TRHDE: variants seen among roughly 807,000 people sequenced by gnomAD.
The protein encoded by TRHDE is thyrotropin-releasing hormone-degrading ectoenzyme.
TRHDE carries 72 observed loss-of-function variants against 125.7 expected under a neutral mutation model. The observed-to-expected ratio is 0.57, with a 90% CI of 0.47 to 0.70. TRHDE has a LOEUF of 0.70. Ranked by LOEUF, TRHDE falls within the 30% of genes least tolerant of loss-of-function variation. The pLI is 0.00. For synonymous variants in TRHDE, 509 were observed against 509.1 expected (o/e 1.00, Z 0.00); for missense variants, 1,110 against 1,327.1 (o/e 0.84, Z 2.54).
At chr12:72,557,816 C>T (rs1383541060) in intron 7 of TRHDE, among the ~76,000 whole-genome samples, 3 of 152,012 alleles carry the variant, frequency 2.0e-5, no homozygotes, top group Non-Finnish European at 4.4e-5. Context: ...ATATGCCTGA[C>T]AAGTATATAC....
chr12:72,232,135 G>A (rs1878258323), intron 2 of TRHDE, among the ~76,000 whole-genome samples: 1 of 152,150 alleles, frequency 6.6e-6, no homozygotes, highest in African/African-American at 2.4e-5. Flanking sequence ...AAGAGGAGGG[G>A]TACACCAGGC....
At chr12:72,265,567 A>AT (rs1879048298) in intron 2 of TRHDE, among the ~76,000 whole-genome samples, 1 of 151,518 alleles carries the variant, frequency 6.6e-6, no homozygotes, top group East Asian at 1.9e-4. Context: ...AAAAAGAGCT[A>AT]TTTTTCAGTT....
At chr12:72,359,154 T>C (rs1449564115) in intron 2 of TRHDE, among the ~76,000 whole-genome samples, 1 of 147,088 alleles carries the variant, frequency 6.8e-6, no homozygotes, top group Non-Finnish European at 1.5e-5. Context: ...GTTATTACTA[T>C]AATTCATTAC....
intron 18 of TRHDE, 115 bp downstream of exon 18, chr12:72,657,123 GCACACCACACACACACA>G: frequency 1.5e-6 from 1 of 668,716 alleles, no homozygotes; most frequent in South Asian, 1.8e-5. Flanking sequence ...ACTTACACAC[GCACACCACACACACACA>G]CACACGTTAA....
chr12:72,296,046 A>G (rs1307839669), intron 2 of TRHDE, among the ~76,000 whole-genome samples: 1 of 152,118 alleles, frequency 6.6e-6, no homozygotes, highest in Admixed American at 6.5e-5. Flanking sequence ...CTGTTCATAG[A>G]GCTTTCTTGC....
upstream of TRHDE, among the ~76,000 whole-genome samples, chr12:72,267,623 G>A (rs1879097590): frequency 4.0e-5 from 6 of 151,802 alleles, no homozygotes; most frequent in Admixed American, 3.9e-4. Context: ...TCCAGCCTGG[G>A]CGACAGAGTG....
At chr12:72,243,723 A>G (rs966815512) in intron 2 of TRHDE, among the ~76,000 whole-genome samples, 2 of 152,198 alleles carry the variant, frequency 1.3e-5, no homozygotes, top group Non-Finnish European at 2.9e-5. Flanking sequence ...TTATATTTGC[A>G]TCATCAGACT....
intron 6 of TRHDE, among the ~76,000 whole-genome samples, chr12:72,540,798 A>G (rs1198707862): frequency 6.6e-6 from 1 of 151,678 alleles, no homozygotes; most frequent in Non-Finnish European, 1.5e-5. Flanking sequence ...ATAAAGAGGA[A>G]GAAGCTAAAG....
chr12:72,273,518 G>T lies in TRHDE; in HGVS notation c.875G>T (p.Gly292Val). 1 of 1,606,850 alleles carries T rather than the reference G, an allele frequency of 6.2e-7. No individual in the cohort carries two copies. The highest frequency in any genetic ancestry group is 8.5e-7 in the Non-Finnish European group (1 of 1,179,898). Reference sequence around the variant, plus strand: ...GCGCTCATCGAGAATGAGCTCCTGGGCTTCTTCCGCAGCTCCTATGTGCTC... The same window carrying T: ...GCGCTCATCGAGAATGAGCTCCTGGTCTTCTTCCGCAGCTCCTATGTGCTC... ...YNALIENELL[G>V]FFRSSYVLHG... Residue 292 changes from glycine to valine, a missense_variant, in exon 1 of 19, where the codon GGC (glycine) becomes GTC (valine). Around this residue, in one of 5 missense-constraint regions of TRHDE, gnomAD observed 252 missense variants for 274.8 expected, o/e 0.92. Transcript: ENST00000261180. This position sits in a 1 kb window ranked among gnomAD's most constrained non-coding sequence, Gnocchi z 5.3.
At chr12:72,422,654 T>C (rs896358126) in intron 3 of TRHDE, among the ~76,000 whole-genome samples, 6 of 152,220 alleles carry the variant, frequency 3.9e-5, no homozygotes, top group Non-Finnish European at 8.8e-5. Flanking sequence ...AATAGTTGAC[T>C]GTTTCTGTAA....
At chr12:72,168,636 A>G (rs763647177) in intron 2 of TRHDE, among the ~76,000 whole-genome samples, 18 of 152,108 alleles carry the variant, frequency 1.2e-4, no homozygotes, top group Non-Finnish European at 1.9e-4. Flanking sequence ...TTATGTTTTG[A>G]CTAGCTAGGA....
At chr12:72,089,225 G>A (rs1174299038) in intron 1 of TRHDE, among the ~76,000 whole-genome samples, 1 of 152,100 alleles carries the variant, frequency 6.6e-6, no homozygotes, top group Non-Finnish European at 1.5e-5. Flanking sequence ...ATCCTGATCT[G>A]AGTTTGTTAC....
chr12:72,280,882 T>G (rs1335904198), intron 1 of TRHDE, among the ~76,000 whole-genome samples: 1 of 152,166 alleles, frequency 6.6e-6, no homozygotes, highest in Non-Finnish European at 1.5e-5. Context: ...TTATAATACT[T>G]CCGTAATATT....
chr12:72,649,720 G>A (rs1248276190), intron 15 of TRHDE, among the ~76,000 whole-genome samples: 1 of 151,972 alleles, frequency 6.6e-6, no homozygotes, highest in African/African-American at 2.4e-5. Context: ...ATTACAAAAA[G>A]GGGTAAGGAT....
In TRHDE at chr12:72,437,683, A is replaced by G. The variant is rs372411295; in HGVS notation, c.1316-32075A>G. 5.1e-3 allele frequency among the ~76,000 whole-genome samples: 769 copies of G among 151,958 alleles called. 2 individuals carry two copies. The highest frequency in any genetic ancestry group is 0.013 in the Admixed American group (196 of 15,216). On this transcript the variant is annotated intron_variant, in intron 3 of 18. Transcript: ENST00000261180. ...TAAAAATTGACATGCAATTGCATGTATTTATCATAAACAACATAATATTTT... is the reference window on the plus strand; with the variant it reads ...TAAAAATTGACATGCAATTGCATGTGTTTATCATAAACAACATAATATTTT...
chr12:72,421,235 T>A (rs1003249707), intron 3 of TRHDE, among the ~76,000 whole-genome samples: 5 of 152,178 alleles, frequency 3.3e-5, no homozygotes, highest in Middle Eastern at 3.2e-3. Flanking sequence ...GTGTGTCACT[T>A]GTGTCTGCTC....
intron 3 of TRHDE, among the ~76,000 whole-genome samples, chr12:72,438,493 T>C (rs938536740): frequency 1.1e-4 from 16 of 151,882 alleles, no homozygotes; most frequent in Admixed American, 9.9e-4. Flanking sequence ...TGGTATCTCA[T>C]TGAGATTTTA....
intron 2 of TRHDE, among the ~76,000 whole-genome samples, chr12:72,116,199 T>A (rs1875439703): frequency 6.6e-6 from 1 of 152,234 alleles, no homozygotes; most frequent in Non-Finnish European, 1.5e-5. Context: ...CTCATTCATT[T>A]TTATGGCTGC....
chr12:72,298,881 C>T (rs1477287820), intron 2 of TRHDE, among the ~76,000 whole-genome samples: 1 of 152,156 alleles, frequency 6.6e-6, no homozygotes, highest in Non-Finnish European at 1.5e-5. Flanking sequence ...GGGTCTAGCT[C>T]AGCTTTCCTG....
Sources: allele counts gnomAD v4.1 joint callset (sites outside exome capture counted in the v4.1 genomes callset), GRCh38; gene constraint gnomAD v4.1.1; regional missense constraint gnomAD v4.1.1; non-coding constraint Gnocchi (gnomAD v3.1); transcripts MANE v1.5; gene names NCBI Gene and HGNC (gene_info 2026-07-23, HGNC 2026-07-21).